Variants in POFUT3 observed in about 807,000 individuals in gnomAD.
The protein encoded by POFUT3 is GDP-fucose protein O-fucosyltransferase 3.
the POFUT3 span, among the ~76,000 whole-genome samples, chr8:33,399,367 T>C: frequency 6.6e-6 from 1 of 152,252 alleles, no homozygotes; most frequent in Non-Finnish European, 1.5e-5. Context: ...TTGTGCTCTC[T>C]GGTTCACCTA....
the POFUT3 span, among the ~76,000 whole-genome samples, chr8:33,466,261 AT>A: frequency 6.6e-6 from 1 of 151,976 alleles, no homozygotes; most frequent in South Asian, 2.1e-4. Context: ...TACAAAAAAA[AT>A]TTTTTTTAAT....
chr8:33,432,138 G>A, the POFUT3 span, among the ~76,000 whole-genome samples: 7 of 152,126 alleles, frequency 4.6e-5, no homozygotes, highest in African/African-American at 1.4e-4. Flanking sequence ...AGCCAGGCAC[G>A]GTGGCTCACG....
At chr8:33,402,103 C>T in the POFUT3 span, among the ~76,000 whole-genome samples, 1 of 152,172 alleles carries the variant, frequency 6.6e-6, no homozygotes, top group Admixed American at 6.5e-5. Flanking sequence ...CTAAGGCACT[C>T]AGTAATTGCT....
the POFUT3 span, among the ~76,000 whole-genome samples, chr8:33,417,155 G>T: frequency 1.3e-5 from 2 of 152,168 alleles, no homozygotes; most frequent in Non-Finnish European, 2.9e-5. Flanking sequence ...ACCCTACTGT[G>T]AACTGCGCAT....
chr8:33,432,037 G>T, the POFUT3 span, among the ~76,000 whole-genome samples: 2 of 152,054 alleles, frequency 1.3e-5, no homozygotes, highest in Non-Finnish European at 2.9e-5. Flanking sequence ...GCACTTTGGA[G>T]GCTGAAGTGG....
chr8:33,432,094 G>A, the POFUT3 span, among the ~76,000 whole-genome samples: 2 of 152,094 alleles, frequency 1.3e-5, no homozygotes, highest in African/African-American at 2.4e-5. Context: ...GAGCAACATA[G>A]TGAGACCCTG....
At chr8:33,317,803 C>A in the POFUT3 span, among the ~76,000 whole-genome samples, 8 of 152,008 alleles carry the variant, frequency 5.3e-5, no homozygotes, top group Non-Finnish European at 8.8e-5. Context: ...TCAAGCTGTC[C>A]CTCCGCGCCT....
chr8:33,353,519 C>T, the POFUT3 span, among the ~76,000 whole-genome samples: 3 of 152,292 alleles, frequency 2.0e-5, no homozygotes, highest in Admixed American at 6.5e-5. Flanking sequence ...GATTCTTTCT[C>T]GTCTGCACAA....
the POFUT3 span, among the ~76,000 whole-genome samples, chr8:33,417,950 C>A: frequency 2.6e-5 from 4 of 152,238 alleles, no homozygotes; most frequent in East Asian, 5.8e-4. Context: ...CCTAGCCATG[C>A]GACAGCACCT....
chr8:33,415,883 A>G, the POFUT3 span, among the ~76,000 whole-genome samples: 2 of 152,342 alleles, frequency 1.3e-5, no homozygotes, highest in African/African-American at 4.8e-5. Context: ...GCTAGAAGCC[A>G]CATGTCTATA....
At chr8:33,395,141 G>A in the POFUT3 span, among the ~76,000 whole-genome samples, 22 of 152,290 alleles carry the variant, frequency 1.4e-4, no homozygotes, top group Admixed American at 3.9e-4. Flanking sequence ...AGGAGGCAGG[G>A]AAATACTGGG....
chr8:33,336,008 G>A, the POFUT3 span, among the ~76,000 whole-genome samples: 4 of 151,990 alleles, frequency 2.6e-5, no homozygotes, highest in East Asian at 1.9e-4. Context: ...AAGTGGACTC[G>A]GGCAGTTCAA....
At chr8:33,404,328 G>C in the POFUT3 span, among the ~76,000 whole-genome samples, 1 of 144,472 alleles carries the variant, frequency 6.9e-6, no homozygotes, top group Non-Finnish European at 1.5e-5. Context: ...ACAGAGTAAG[G>C]CTCTGTCTCA....
At chr8:33,421,806 A>G in the POFUT3 span, among the ~76,000 whole-genome samples, 6 of 152,212 alleles carry the variant, frequency 3.9e-5, no homozygotes, top group East Asian at 7.7e-4. Context: ...GTCATCATTA[A>G]TAACTGCCCA....
chr8:33,425,623 G>A, the POFUT3 span, among the ~76,000 whole-genome samples: 2 of 151,982 alleles, frequency 1.3e-5, no homozygotes, highest in African/African-American at 2.4e-5. Context: ...GGAAGGAGCC[G>A]CAAAAGGGGC....
At chr8:33,349,145 G>A in the POFUT3 span, among the ~76,000 whole-genome samples, 1 of 152,200 alleles carries the variant, frequency 6.6e-6, no homozygotes, top group Non-Finnish European at 1.5e-5. Flanking sequence ...CTTACCCGTT[G>A]TATTGGCTAC....
the POFUT3 span, among the ~76,000 whole-genome samples, chr8:33,397,036 A>G: frequency 1.3e-5 from 2 of 152,218 alleles, no homozygotes; most frequent in Non-Finnish European, 2.9e-5. Context: ...AATTACAACT[A>G]TTGTTAATCA....
chr8:33,389,707 A>G, the POFUT3 span: 4 of 1,614,192 alleles, frequency 2.5e-6, no homozygotes, highest in Non-Finnish European at 3.4e-6. Context: ...GAAAGAGCTT[A>G]TAATTGTTTT....
chr8:33,413,970 C>T, the POFUT3 span, among the ~76,000 whole-genome samples: 54 of 152,226 alleles, frequency 3.5e-4, no homozygotes, highest in African/African-American at 1.3e-3. Context: ...ACACTTCAAA[C>T]TAAAATAGGA....
Sources: allele counts gnomAD v4.1 joint callset (sites outside exome capture counted in the v4.1 genomes callset), GRCh38; gene constraint gnomAD v4.1.1; transcripts MANE v1.5; gene names NCBI Gene and HGNC (gene_info 2026-07-23, HGNC 2026-07-21).